Variants in CDK5RAP2 observed in about 807,000 individuals in gnomAD.
CDK5RAP2 encodes the protein CDK5 regulatory subunit associated protein 2, also known as CDK5 regulatory subunit-associated protein 2.
Under a neutral mutation model 232.9 loss-of-function variants are expected in CDK5RAP2, and 147 were observed. That is an observed-to-expected ratio of 0.63 (90% CI 0.55 to 0.72). The LOEUF (loss-of-function observed/expected upper bound fraction) is 0.72. CDK5RAP2 is among the 30% of genes least tolerant of loss of function. The probability of loss-of-function intolerance (pLI) is 0.00; values close to 1 mark genes in which losing one functional copy is unlikely to be tolerated. For synonymous variants in CDK5RAP2, 833 were observed against 833.7 expected (o/e 1.00, Z 0.01); for missense variants, 2,195 against 2,231.5 (o/e 0.98, Z 0.33).
At chr9:120,397,232 T>G (rs997056732) in intron 35 of CDK5RAP2, among the ~76,000 whole-genome samples, 4 of 152,164 alleles carry the variant, frequency 2.6e-5, no homozygotes, top group African/African-American at 9.7e-5. Flanking sequence ...CAGAAAGAAC[T>G]GGATAATGAA....
chr9:120,536,896 A>G (rs550638341), intron 6 of CDK5RAP2, among the ~76,000 whole-genome samples: 96 of 146,390 alleles, frequency 6.6e-4, no homozygotes, highest in Middle Eastern at 3.5e-3. Context: ...CATCCTACAC[A>G]CCCCCACCGC....
intron 5 of CDK5RAP2, 32 bp from the exon 6 acceptor site, chr9:120,539,196 A>G (rs2041525522): frequency 6.2e-7 from 1 of 1,613,188 alleles, no homozygotes; most frequent in Non-Finnish European, 8.5e-7. Context: ...TAAAACATGC[A>G]AGGGTGATGG....
intron 12 of CDK5RAP2, among the ~76,000 whole-genome samples, chr9:120,503,660 C>G (rs188332459): frequency 2.4e-4 from 36 of 152,120 alleles, no homozygotes; most frequent in Non-Finnish European, 3.7e-4. Flanking sequence ...GTTTCCTTTC[C>G]GGTAAATGAA....
intron 29 of CDK5RAP2, among the ~76,000 whole-genome samples, chr9:120,410,580 C>T (rs2131316934): frequency 6.6e-6 from 1 of 152,256 alleles, no homozygotes; most frequent in South Asian, 2.1e-4. Flanking sequence ...GGGATGAAAT[C>T]TCATCCGTTT....
intron 3 of CDK5RAP2, among the ~76,000 whole-genome samples, chr9:120,554,151 G>C (rs1162476076): frequency 6.6e-6 from 1 of 152,054 alleles, no homozygotes; most frequent in African/African-American, 2.4e-5. Flanking sequence ...TATATAGATA[G>C]GTTACTATTT....
At chr9:120,520,969 CAT>C (rs541916349) in intron 11 of CDK5RAP2, among the ~76,000 whole-genome samples, 38 of 151,554 alleles carry the variant, frequency 2.5e-4, no homozygotes, top group African/African-American at 8.7e-4. Flanking sequence ...TCTCATGTAT[CAT>C]ATGAGATATA....
At chr9:120,438,235 A>C (rs1484834312) in intron 24 of CDK5RAP2, among the ~76,000 whole-genome samples, 1 of 152,246 alleles carries the variant, frequency 6.6e-6, no homozygotes, top group African/African-American at 2.4e-5. Flanking sequence ...CTGAGAAGTA[A>C]ACAGGTTAAG....
At chr9:120,565,006 C>G (rs967213950) in intron 3 of CDK5RAP2, among the ~76,000 whole-genome samples, 8 of 152,142 alleles carry the variant, frequency 5.3e-5, no homozygotes, top group African/African-American at 1.9e-4. Context: ...GCCTGCCATA[C>G]AGGTGATTAT....
Position 120,487,350 on chromosome 9 carries a change from T to C in CDK5RAP2, c.1570A>G (p.Ile524Val), listed in dbSNP as rs893183060. 1.9e-6 allele frequency: 3 copies of C among 1,613,950 alleles called. No individual in the cohort carries two copies. The highest frequency in any genetic ancestry group is 1.3e-5 in the African/African-American group (1 of 74,936). Residue 524 changes from isoleucine (I) to valine (V), a missense_variant, in exon 14 of 38, where the codon ATA (isoleucine) becomes GTA (valine). Physicochemically the swap from Ile to Val is conservative, Grantham distance 29. Transcript: ENST00000349780. ...EDLELRSEGL[I>V]TEKCSSQQPP... Reference sequence around the variant, plus strand: ...TGTTGAGAAGAGCACTTTTCTGTTATTAAGCCTTCACTCCTGAGCTCAAGA... The same window carrying C: ...TGTTGAGAAGAGCACTTTTCTGTTACTAAGCCTTCACTCCTGAGCTCAAGA...
At chr9:120,411,336 C>T in intron 29 of CDK5RAP2, 22 bp downstream of exon 29, 5 of 1,416,414 alleles carry the variant, frequency 3.5e-6, no homozygotes, top group Non-Finnish European at 5.0e-6. Context: ...TCCAGACTTC[C>T]AGTGACTCCT....
In CDK5RAP2 at chr9:120,506,942, T is replaced by C. The variant is rs113155107; in HGVS notation, c.1311+11485A>G. Among the ~76,000 whole-genome samples, 290 of 152,328 alleles carry C rather than the reference T, an allele frequency of 1.9e-3. 2 individuals carry two copies. Among genetic ancestry groups the C allele is most frequent in the African/African-American group, 6.6e-3 (276 of 41,576 alleles). On this transcript the variant is annotated intron_variant, in intron 12 of 37. Transcript: ENST00000349780. ...AGGGTTTGAGAGGACTGACTCCAGT[T>C]TTGAAAGAAGTTCTACTGTGGGTAA...
chr9:120,446,921 T>C (rs978372839), intron 22 of CDK5RAP2, among the ~76,000 whole-genome samples: 6 of 152,160 alleles, frequency 3.9e-5, no homozygotes, highest in Admixed American at 3.9e-4. Context: ...GCTTCATTCT[T>C]TTCCACGGCA....
At chr9:120,517,630 CTAAA>C (rs2040395891) in intron 12 of CDK5RAP2, 1 of 152,744 alleles carries the variant, frequency 6.5e-6, no homozygotes. Context: ...ATACCCAATG[CTAAA>C]TAGAGTACAG....
chr9:120,456,217 G>A (rs1157582622), intron 20 of CDK5RAP2, among the ~76,000 whole-genome samples: 2 of 152,230 alleles, frequency 1.3e-5, no homozygotes, highest in South Asian at 4.1e-4. Context: ...AGGTCTGGGT[G>A]AGGTGGTGGC....
intron 12 of CDK5RAP2, among the ~76,000 whole-genome samples, chr9:120,511,839 G>A (rs1330498781): frequency 1.3e-5 from 2 of 148,866 alleles, no homozygotes; most frequent in South Asian, 4.2e-4. Context: ...CCAGGTTCAC[G>A]TGATTCTCCT....
intron 32 of CDK5RAP2, 124 bp downstream of exon 32, chr9:120,406,888 C>T (rs2033478814): frequency 2.6e-6 from 2 of 766,808 alleles, no homozygotes; most frequent in South Asian, 1.7e-5. Context: ...TCCTAGGGTA[C>T]AGCATGTCAG....
chr9:120,534,053 G>T (rs1413220272), intron 7 of CDK5RAP2, among the ~76,000 whole-genome samples: 1 of 152,148 alleles, frequency 6.6e-6, no homozygotes, highest in Non-Finnish European at 1.5e-5. Flanking sequence ...CCAAGGGCAG[G>T]CAGAAAGACC....
At position 120,471,902 on chromosome 9, in the gene CDK5RAP2, G is replaced by A. The variant is rs369983272; in HGVS notation, c.1728-24C>T. Reference sequence around the variant, plus strand: ...TACTTGGTAAAACAAGACACCAGAAGTTTTAAAACAGACCTATTTGTACTT... The same window carrying A: ...TACTTGGTAAAACAAGACACCAGAAATTTTAAAACAGACCTATTTGTACTT... On this transcript the variant is annotated intron_variant, in intron 15 of 37. Transcript: ENST00000349780. 5 of 1,613,666 alleles carry A rather than the reference G, an allele frequency of 3.1e-6. No homozygotes were observed. The Admixed American group carries it at 5.0e-5, about 16-fold the overall frequency.
chr9:120,528,832 C>T lies in CDK5RAP2; in HGVS notation c.826-35G>A, dbSNP rs570323909. On this transcript the variant is annotated intron_variant, in intron 8 of 37. Transcript: ENST00000349780. The stretch of plus-strand genomic sequence containing the variant: ...GGCATTAATTGGTGTGAAGAAGGGA[C>T]GTGCAATCCAACAGCTTCTCCAGAA... 28 of 1,474,186 alleles carry T rather than the reference C, an allele frequency of 1.9e-5. No homozygotes were observed. The East Asian group carries it at 3.8e-4, about 20-fold the overall frequency. 91.3% of individuals were successfully genotyped at this position (1,474,186 alleles called of 1,614,324 possible).
Sources: allele counts gnomAD v4.1 joint callset (sites outside exome capture counted in the v4.1 genomes callset), GRCh38; gene constraint gnomAD v4.1.1; transcripts MANE v1.5; gene names NCBI Gene and HGNC (gene_info 2026-07-23, HGNC 2026-07-21).